The following NRG1 variants were observed in gnomAD, a reference collection of about 807,000 sequenced individuals.
The protein encoded by NRG1 is pro-neuregulin-1, membrane-bound isoform.
In NRG1, 18 loss-of-function variants were observed where a neutral mutation model predicts 63.8. The observed-to-expected ratio is 0.28, with a 90% CI of 0.19 to 0.42. NRG1 has a LOEUF of 0.42. NRG1 is among the 10% of genes least tolerant of loss of function. NRG1 has a pLI of 1.00. For synonymous variants in NRG1, 302 were observed against 301.3 expected, an observed-to-expected ratio of 1.00 and a Z score of -0.02; for missense variants, 762 against 814.7, an observed-to-expected ratio of 0.94 and a Z score of 0.79.
intron 1 of NRG1, among the ~76,000 whole-genome samples, chr8:32,313,197 A>G (rs1277427250): frequency 6.6e-6 from 1 of 152,224 alleles, no homozygotes; most frequent in East Asian, 1.9e-4. Flanking sequence ...TTTCAGCATC[A>G]CAGTATAAAG....
intron 1 of NRG1, among the ~76,000 whole-genome samples, chr8:32,281,926 C>T (rs1192764968): frequency 6.6e-6 from 1 of 152,154 alleles, no homozygotes; most frequent in Non-Finnish European, 1.5e-5. Flanking sequence ...GTGTTTAACT[C>T]ATCAATTTCA....
At chr8:31,737,707 T>A (rs1480748133) in intron 1 of NRG1, among the ~76,000 whole-genome samples, 4 of 152,194 alleles carry the variant, frequency 2.6e-5, no homozygotes, top group African/African-American at 9.6e-5. Context: ...GAGCAGGCTG[T>A]ATGCTTTAGG....
At chr8:32,216,473 A>G (rs910489014) in intron 1 of NRG1, among the ~76,000 whole-genome samples, 2 of 148,946 alleles carry the variant, frequency 1.3e-5, no homozygotes, top group African/African-American at 4.9e-5. Flanking sequence ...TATTATCATG[A>G]TATTATATAT....
chr8:32,463,330 A>G (rs10954847), intron 1 of NRG1, among the ~76,000 whole-genome samples: 69,372 of 151,980 alleles, frequency 0.46, 16,173 homozygotes, highest in Admixed American at 0.52. Context: ...GGATTGCTGG[A>G]TCATATGGTA....
intron 1 of NRG1, among the ~76,000 whole-genome samples, chr8:31,819,040 T>C (rs951872015): frequency 5.3e-5 from 8 of 151,352 alleles, no homozygotes; most frequent in African/African-American, 1.9e-4. Context: ...GGCGACAGAG[T>C]GAGACTTCTT....
chr8:31,675,416 G>A (rs1434519865), intron 1 of NRG1, among the ~76,000 whole-genome samples: 2 of 152,176 alleles, frequency 1.3e-5, no homozygotes, highest in South Asian at 2.1e-4. Context: ...CAAAGATGAA[G>A]CTTTACTGAG....
rs145521315 is a variant in NRG1, at chr8:31,846,252, G to A, written c.37+206821G>A. 3.2e-3 allele frequency among the ~76,000 whole-genome samples: 492 copies of A among 152,290 alleles called. 2 individuals carry two copies. Among genetic ancestry groups the A allele is most frequent in the Non-Finnish European group, 5.8e-3 (392 of 68,018 alleles). ...TAGTTACACAAAGTGAGAATAACTC[G>A]ATGAGGATGCTGTTTGGATCTTGAG... On this transcript the variant is annotated intron_variant, in intron 1 of 10. Transcript: ENST00000519301.
chr8:32,212,320 T>G (rs568837806), intron 1 of NRG1, among the ~76,000 whole-genome samples: 11 of 152,156 alleles, frequency 7.2e-5, no homozygotes, highest in Non-Finnish European at 1.6e-4. Context: ...TCAGTAAAGT[T>G]AGCTCTTATT....
chr8:32,064,598 A>G (rs1250377473), intron 1 of NRG1, among the ~76,000 whole-genome samples: 3 of 152,162 alleles, frequency 2.0e-5, no homozygotes, highest in Admixed American at 6.6e-5. Context: ...ACAGCTTGGT[A>G]AGAAAAGTCT....
At chr8:32,117,489 GGGT>G (rs1832890664) in intron 1 of NRG1, among the ~76,000 whole-genome samples, 1 of 151,834 alleles carries the variant, frequency 6.6e-6, no homozygotes, top group Admixed American at 6.6e-5. Context: ...ATTAACATAA[GGGT>G]AGCCATGACT....
At chr8:32,258,686 T>A (rs996824720) in intron 1 of NRG1, among the ~76,000 whole-genome samples, 2 of 152,252 alleles carry the variant, frequency 1.3e-5, no homozygotes, top group Middle Eastern at 6.8e-3. Context: ...TCGTGAGAAC[T>A]CACTCACTAT....
At chr8:32,214,750 C>A (rs1845042830) in intron 1 of NRG1, among the ~76,000 whole-genome samples, 1 of 151,896 alleles carries the variant, frequency 6.6e-6, no homozygotes, top group East Asian at 1.9e-4. Context: ...TTAAAGAAAA[C>A]AAAACAAACC....
intron 1 of NRG1, among the ~76,000 whole-genome samples, chr8:32,480,978 A>G (rs1198019040): frequency 6.6e-6 from 1 of 152,220 alleles, no homozygotes; most frequent in Non-Finnish European, 1.5e-5. Flanking sequence ...ACATACATAC[A>G]TTAAAATATG....
chr8:32,764,553 A>G, exon 12 of NRG1: 1 of 689,372 alleles, frequency 1.5e-6, no homozygotes, highest in East Asian at 3.0e-5. Flanking sequence ...GTATGTAAAA[A>G]TGTGTTATGT....
At chr8:32,034,924 GT>G (rs200952078) in intron 1 of NRG1, among the ~76,000 whole-genome samples, 1 of 150,900 alleles carries the variant, frequency 6.6e-6, no homozygotes, top group Non-Finnish European at 1.5e-5. Flanking sequence ...ATTTTTAAAG[GT>G]TTTTTGTGTC....
intron 1 of NRG1, among the ~76,000 whole-genome samples, chr8:31,680,299 A>T (rs1374913870): frequency 1.2e-5 from 1 of 81,134 alleles, no homozygotes; most frequent in Admixed American, 1.6e-4. Context: ...CCCTCCCCCC[A>T]CCCCACAACA....
intron 1 of NRG1, among the ~76,000 whole-genome samples, chr8:31,792,683 T>C (rs1174148034): frequency 6.6e-6 from 1 of 152,228 alleles, no homozygotes; most frequent in Non-Finnish European, 1.5e-5. Flanking sequence ...AGTCTCTCTA[T>C]GGTCTCTGGA....
chr8:32,573,269 A>C (rs898861886), intron 1 of NRG1, among the ~76,000 whole-genome samples: 1 of 152,236 alleles, frequency 6.6e-6, no homozygotes, highest in Admixed American at 6.5e-5. Context: ...TGACTCGATA[A>C]CAGGGATCTG....
intron 1 of NRG1, among the ~76,000 whole-genome samples, chr8:32,464,115 C>T (rs1036725264): frequency 2.6e-5 from 4 of 151,412 alleles, no homozygotes; most frequent in African/African-American, 9.7e-5. Context: ...AGGATGGTCT[C>T]GATCTCCTGA....
Sources: allele counts gnomAD v4.1 joint callset (sites outside exome capture counted in the v4.1 genomes callset), GRCh38; gene constraint gnomAD v4.1.1; transcripts MANE v1.5; gene names NCBI Gene and HGNC (gene_info 2026-07-23, HGNC 2026-07-21).